Variants in CYP2B6 observed in about 807,000 individuals in gnomAD.
CYP2B6 encodes the protein cytochrome P450 2B6.
Under a neutral mutation model 43.4 loss-of-function variants are expected in CYP2B6, and 35 were observed. The observed-to-expected ratio is 0.81, with a 90% CI of 0.62 to 1.07. The LOEUF (loss-of-function observed/expected upper bound fraction) is 1.07. CYP2B6 is among the 50% of genes least tolerant of loss of function. The pLI is 0.00. For missense variants in CYP2B6, 624 were observed against 632.8 expected, an observed-to-expected ratio of 0.99 and a Z score of 0.15; for synonymous variants, 239 against 239.2, an observed-to-expected ratio of 1.00 and a Z score of 0.01.
intron 1 of CYP2B6, among the ~76,000 whole-genome samples, chr19:40,993,862 G>A (rs763777431): frequency 9.2e-5 from 14 of 152,092 alleles, no homozygotes; most frequent in Admixed American, 1.3e-4. Context: ...GTTTTCTTCA[G>A]CACCATACAC....
At chr19:41,015,472 C>CA (rs1969346593) in intron 8 of CYP2B6, among the ~76,000 whole-genome samples, 1 of 152,238 alleles carries the variant, frequency 6.6e-6, no homozygotes, top group African/African-American at 2.4e-5. Context: ...TCACACTTGA[C>CA]ATGGCCTTTC....
In CYP2B6 at chr19:41,004,041, G is replaced by C. The variant is rs1177207724; in HGVS notation, c.212G>C (p.Gly71Ala). ...KYGDVFTVHL[G>A]PRPVVMLCGV... ...GGGGACGTCTTCACGGTACACCTGGGACCGAGGCCCGTGGTCATGCTGTGT... is the reference window on the plus strand; with the variant it reads ...GGGGACGTCTTCACGGTACACCTGGCACCGAGGCCCGTGGTCATGCTGTGT... The change falls in exon 2 of 9, where the codon GGA becomes GCA. Residue 71 changes from glycine to alanine, a missense_variant. Coordinates refer to ENST00000324071, the MANE Select transcript of CYP2B6 (RefSeq NM_000767.5). 33 of 1,613,632 alleles carry C rather than the reference G, an allele frequency of 2.0e-5. No individual in the cohort carries two copies. Among genetic ancestry groups the C allele is most frequent in the Non-Finnish European group, 2.6e-5 (31 of 1,179,740 alleles).
chr19:40,993,743 T>C (rs1288415322), intron 1 of CYP2B6, among the ~76,000 whole-genome samples: 1 of 152,132 alleles, frequency 6.6e-6, no homozygotes, highest in Non-Finnish European at 1.5e-5. Flanking sequence ...CCCTGAGAAA[T>C]GTCCTTAGTG....
intron 1 of CYP2B6, among the ~76,000 whole-genome samples, chr19:41,001,803 G>A (rs1969093948): frequency 6.6e-6 from 1 of 152,112 alleles, no homozygotes; most frequent in African/African-American, 2.4e-5. Flanking sequence ...ACATTCCATT[G>A]GCAGAGACAG....
chr19:41,002,807 A>C (rs1568559438), intron 1 of CYP2B6, among the ~76,000 whole-genome samples: 1 of 152,064 alleles, frequency 6.6e-6, no homozygotes, highest in East Asian at 1.9e-4. Flanking sequence ...TCAGCCTCCC[A>C]AATTGCTGGG....
chr19:41,005,121 T>C (rs1969156697), intron 3 of CYP2B6, among the ~76,000 whole-genome samples: 1 of 152,154 alleles, frequency 6.6e-6, no homozygotes, highest in Non-Finnish European at 1.5e-5. Flanking sequence ...AACTGTGTTT[T>C]CCTTGCCCTG....
intron 6 of CYP2B6, among the ~76,000 whole-genome samples, chr19:41,011,817 C>G (rs1252410630): frequency 6.6e-6 from 1 of 152,072 alleles, no homozygotes; most frequent in East Asian, 1.9e-4. Context: ...AGTGAGAATT[C>G]TTGTTGCTTC....
rs1599850039 is a variant in CYP2B6 at position 41,009,935 on chromosome 19, T to C, written c.823-59T>C. 18 of 1,610,394 alleles carry C rather than the reference T, an allele frequency of 1.1e-5. No individual in the cohort carries two copies. In the South Asian group the frequency reaches 1.4e-4, roughly 13 times the overall value. On this transcript the variant is annotated intron_variant, in intron 5 of 8. Transcript: ENST00000324071. The stretch of plus-strand genomic sequence containing the variant: ...GAGGGCAGCCAGGGAGATGGGCGTA[T>C]ACACAGCAAGGCTACAGCCTCCCCT...
chr19:40,993,522 A>T (rs1157923592), intron 1 of CYP2B6, among the ~76,000 whole-genome samples: 1 of 152,086 alleles, frequency 6.6e-6, no homozygotes, highest in Non-Finnish European at 1.5e-5. Context: ...TCTTGTGAGA[A>T]CTCACTCACT....
In CYP2B6 at chr19:41,009,377, C is replaced by T; in HGVS notation, c.804C>T (p.Tyr268=). 1.3e-6 allele frequency: 2 copies of T among 1,583,844 alleles called. No individual in the cohort carries two copies. Among genetic ancestry groups the T allele is most frequent in the Non-Finnish European group, 1.7e-6 (2 of 1,156,660 alleles). Residue 268 remains tyrosine (Y), a synonymous_variant, in exon 5 of 9, where the codon TAC becomes TAT. Coordinates refer to ENST00000324071, the MANE Select transcript of CYP2B6 (RefSeq NM_000767.5). ...PSAPKDLIDT[Y]LLHMEKEKSN... is the part of the protein sequence containing the mutation. Reference sequence around the variant, plus strand: ...CCCCCAAGGACCTCATCGACACCTACCTGCTCCACATGGAAAAAGTGGGGT... The same window carrying T: ...CCCCCAAGGACCTCATCGACACCTATCTGCTCCACATGGAAAAAGTGGGGT...
At position 41,003,548 on chromosome 19, in the gene CYP2B6, G is replaced by A. The variant is rs2144666611; in HGVS notation, c.172-453G>A. Among the ~76,000 whole-genome samples, 4 of 152,286 alleles carry A rather than the reference G, an allele frequency of 2.6e-5. No individual in the cohort carries two copies. In the South Asian group the frequency reaches 8.3e-4, roughly 32 times the overall value. On this transcript the variant is annotated intron_variant, in intron 1 of 8. Coordinates refer to ENST00000324071, the MANE Select transcript of CYP2B6 (RefSeq NM_000767.5). Reference sequence around the variant, plus strand: ...CCACAGATCATAAGAAGTATGCGGTGGGGGTGATATTCATCGTATTTTATC... The same window carrying A: ...CCACAGATCATAAGAAGTATGCGGTAGGGGTGATATTCATCGTATTTTATC...
intron 3 of CYP2B6, 83 bp downstream of exon 3, chr19:41,004,529 T>A: frequency 2.0e-6 from 3 of 1,501,380 alleles, no homozygotes; most frequent in Non-Finnish European, 1.8e-6. Context: ...GACAGAGAGG[T>A]ATATAAGGGC....
rs751682823 is a variant in CYP2B6, at chr19:40,991,476, G to A, written c.171G>A (p.Arg57=). 1.9e-6 allele frequency: 3 copies of A among 1,613,490 alleles called. No individual in the cohort carries two copies. The highest frequency in any genetic ancestry group is 3.3e-5 in the Admixed American group (2 of 59,984). Residue 57 remains arginine (R), a splice_region_variant and synonymous_variant, in exon 1 of 9, where the codon AGG becomes AGA. Transcript: ENST00000324071. ...GAGGCCTACTCAAATCCTTTCTGAG[G>A]GTAAGACACAGACGAATGGGGTCTG... is the stretch of plus-strand genomic sequence containing the variant. ...DRRGLLKSFL[R]FREKYGDVFT... is the part of the protein sequence containing the mutation.
intron 1 of CYP2B6, among the ~76,000 whole-genome samples, chr19:41,003,345 T>G (rs1346156695): frequency 3.3e-5 from 5 of 152,032 alleles, no homozygotes; most frequent in Non-Finnish European, 5.9e-5. Context: ...AGTGCAGACA[T>G]GGTGGACAAA....
At chr19:40,999,536 A>G (rs1035754914) in intron 1 of CYP2B6, among the ~76,000 whole-genome samples, 1 of 152,008 alleles carries the variant, frequency 6.6e-6, no homozygotes, top group African/African-American at 2.4e-5. Flanking sequence ...GTTTTCTTCT[A>G]GGGTTTTTAT....
At chr19:41,008,754 C>A (rs1196621148) in intron 4 of CYP2B6, among the ~76,000 whole-genome samples, 1 of 152,160 alleles carries the variant, frequency 6.6e-6, no homozygotes, top group East Asian at 1.9e-4. Context: ...GCATTCCATT[C>A]TTCATCAAAG....
intron 6 of CYP2B6, among the ~76,000 whole-genome samples, chr19:41,011,952 A>AT (rs886318796): frequency 1.3e-5 from 2 of 151,402 alleles, no homozygotes; most frequent in African/African-American, 2.4e-5. Flanking sequence ...TTTTAAAAAA[A>AT]TTTTTTTTTC....
intron 8 of CYP2B6, among the ~76,000 whole-genome samples, chr19:41,016,433 A>AAAAAG (rs1568564700): frequency 2.0e-5 from 2 of 99,008 alleles, no homozygotes; most frequent in Admixed American, 2.3e-4. Flanking sequence ...AAAAAAAAAA[A>AAAAAG]AGAGAGAGAG....
chr19:41,015,945 T>A (rs1236452713), intron 8 of CYP2B6, among the ~76,000 whole-genome samples: 1 of 151,854 alleles, frequency 6.6e-6, no homozygotes, highest in Non-Finnish European at 1.5e-5. Context: ...ATATGAGAAG[T>A]GAAGAACACT....
Sources: gnomAD v4.1 joint callset for allele counts (sites outside exome capture counted in the v4.1 genomes callset) on GRCh38, gnomAD v4.1.1 for gene constraint, MANE v1.5 for transcripts, NCBI Gene and HGNC (gene_info 2026-07-23, HGNC 2026-07-21) for gene names.